Variants in MIA2 observed in about 807,000 individuals in gnomAD.
The protein encoded by MIA2 is MIA SH3 domain ER export factor 2.
MIA2 carries 127 observed loss-of-function variants against 167.8 expected under a neutral mutation model. The ratio of observed to expected loss-of-function variants is 0.76; its 90% CI spans 0.66 to 0.88. The LOEUF is 0.88. Among genes scored for constraint, MIA2 ranks in the 40% least tolerant of loss-of-function variants. The pLI, the probability that MIA2 is intolerant of heterozygous loss-of-function variation, is 0.00. For missense variants in MIA2, 1,690 were observed against 1,624.7 expected, an observed-to-expected ratio of 1.04 and a Z score of -0.69; for synonymous variants, 552 against 541.9, an observed-to-expected ratio of 1.02 and a Z score of -0.26.
rs2060174904 is a variant in MIA2, at chr14:39,288,458, T to G, written c.2131-2561T>G. Among the ~76,000 whole-genome samples the G allele has an allele frequency of 3.1e-4, 5 of 16,034 alleles. 1 individual carries two copies. Among genetic ancestry groups the G allele is most frequent in the Non-Finnish European group, 6.5e-4 (4 of 6,154 alleles). The allele number at this position is 16,034 out of a possible 152,430, so 10.5% of individuals were successfully genotyped here. On this transcript the variant is annotated intron_variant, in intron 9 of 28. Coordinates refer to ENST00000640607, the MANE Select transcript of MIA2 (RefSeq NM_001329214.4). ...ATATATATATATATATATATATATATATATATATATATATATATTTTTTTT... is the reference window on the plus strand; with the variant it reads ...ATATATATATATATATATATATATAGATATATATATATATATATTTTTTTT...
intron 13 of MIA2, among the ~76,000 whole-genome samples, chr14:39,296,258 A>G (rs2061406452): frequency 6.6e-6 from 1 of 152,098 alleles, no homozygotes. Flanking sequence ...TAGAACTTAC[A>G]TGCCTGGAAA....
intron 6 of MIA2, chr14:39,253,490 G>T (rs2054666812): frequency 5.8e-6 from 2 of 342,240 alleles, no homozygotes; most frequent in East Asian, 7.4e-5. Flanking sequence ...ACTAGAGCTG[G>T]GTGTGGTGGT....
In MIA2 at chr14:39,334,501, C is replaced by T. The variant is rs111856772; in HGVS notation, c.3655+7479C>T. Among the ~76,000 whole-genome samples the T allele has an allele frequency of 2.5e-3, 384 of 151,560 alleles. 1 individual carries two copies. Among genetic ancestry groups the T allele is most frequent in the Admixed American group, 9.1e-3 (138 of 15,208 alleles). On this transcript the variant is annotated intron_variant, in intron 25 of 28. Transcript: ENST00000640607. ...AAAAAATAAAAAAATGGTCACTGAA[C>T]AGATTTCAGGGTTCTTTTCTTTTAT...
In MIA2 at chr14:39,302,119, C is replaced by T. The variant is rs1212912603; in HGVS notation, c.2620-10C>T. 1 of 1,611,544 alleles carries T rather than the reference C, an allele frequency of 6.2e-7. No homozygotes were observed. The highest frequency in any genetic ancestry group is 1.3e-5 in the African/African-American group (1 of 74,808). ...ACCCTCTCTATTTTTCCCCTTTGTT[C>T]AATGTCAAGACTCTGACTGAACGCT... On this transcript the variant is annotated splice_polypyrimidine_tract_variant and intron_variant, in intron 14 of 28. Coordinates refer to ENST00000640607, the MANE Select transcript of MIA2 (RefSeq NM_001329214.4).
At chr14:39,235,785 T>C (rs977104711) in intron 1 of MIA2, among the ~76,000 whole-genome samples, 1 of 151,892 alleles carries the variant, frequency 6.6e-6, no homozygotes, top group Non-Finnish European at 1.5e-5. Flanking sequence ...CTCAAAAAAA[T>C]ATATATAAAG....
At chr14:39,314,836 GTA>G (rs57139462) in intron 20 of MIA2, 37 bp downstream of exon 20, 31,538 of 930,164 alleles carry the variant, frequency 0.034, 1,487 homozygotes, top group African/African-American at 0.11. Flanking sequence ...GTGTGTGTGT[GTA>G]TATATATATA....
intron 24 of MIA2, among the ~76,000 whole-genome samples, chr14:39,325,309 C>T (rs894389855): frequency 5.3e-5 from 8 of 151,948 alleles, no homozygotes; most frequent in Non-Finnish European, 8.8e-5. Context: ...AGAAGACCCC[C>T]CTTTTCCCTC....
At chr14:39,268,247 A>T (rs906468771) in intron 6 of MIA2, among the ~76,000 whole-genome samples, 13 of 152,270 alleles carry the variant, frequency 8.5e-5, no homozygotes, top group Admixed American at 7.8e-4. Context: ...TAAAAAGACC[A>T]CTTAATTATT....
chr14:39,237,183 T>C (rs1473241758), intron 2 of MIA2, 128 bp downstream of exon 2: 1 of 997,808 alleles, frequency 1.0e-6, no homozygotes, highest in Non-Finnish European at 1.5e-6. Flanking sequence ...TGCAGTGGTG[T>C]GATCACAGCT....
chr14:39,259,698 G>GTT (rs10556014), intron 6 of MIA2, among the ~76,000 whole-genome samples: 8 of 115,370 alleles, frequency 6.9e-5, no homozygotes, highest in South Asian at 2.9e-4. Context: ...GCCTGGCTAG[G>GTT]TTTTTTTTTT....
intron 25 of MIA2, among the ~76,000 whole-genome samples, chr14:39,330,115 G>T (rs2068476484): frequency 1.3e-5 from 2 of 152,100 alleles, no homozygotes; most frequent in Non-Finnish European, 2.9e-5. Flanking sequence ...TTTTTGGTTG[G>T]TAGGCTATTA....
chr14:39,247,205 G>A lies in MIA2; in HGVS notation c.631G>A (p.Glu211Lys). Residue 211 changes from glutamate (E) to lysine (K), a missense_variant, in exon 4 of 29, where the codon GAA (glutamate) becomes AAA (lysine). By Grantham distance (56) the Glu-to-Lys change is moderately conservative. Coordinates refer to ENST00000640607, the MANE Select transcript of MIA2 (RefSeq NM_001329214.4). ...AAGTATGGAACAGGATCGTATTCCA[G>A]AAGTGCATGTCCCACCATCTTCAGC... ...VESMEQDRIP[E>K]VHVPPSSAVS... The A allele has an allele frequency of 6.2e-7, 1 of 1,614,176 alleles. No homozygotes were observed. The highest frequency in any genetic ancestry group is 8.5e-7 in the Non-Finnish European group (1 of 1,180,032).
chr14:39,277,139 T>G, intron 7 of MIA2, 74 bp downstream of exon 7: 1 of 1,516,024 alleles, frequency 6.6e-7, no homozygotes, highest in East Asian at 2.3e-5. Context: ...AGAAACATAT[T>G]TGTTATTTTA....
chr14:39,326,847 T>C lies in MIA2; in HGVS notation c.3497-17T>C, dbSNP rs774534920. On this transcript the variant is annotated splice_polypyrimidine_tract_variant and intron_variant, in intron 24 of 28. Coordinates refer to ENST00000640607, the MANE Select transcript of MIA2 (RefSeq NM_001329214.4). ...TTAAGATGAAACAGATTTGTATGTT[T>C]TTTTTTCTTTAATTAGGCTCACGAG... 1.3e-6 allele frequency: 2 copies of C among 1,562,402 alleles called. No homozygotes were observed. Among genetic ancestry groups the C allele is most frequent in the Admixed American group, 4.2e-5 (2 of 47,228 alleles).
intron 15 of MIA2, among the ~76,000 whole-genome samples, chr14:39,302,605 C>T (rs958047578): frequency 1.3e-5 from 2 of 152,122 alleles, no homozygotes; most frequent in African/African-American, 4.8e-5. Flanking sequence ...GTTTGAAGAA[C>T]AAGTGTTCTA....
chr14:39,358,278 T>G (rs1394829002), intron 23 of MIA2, among the ~76,000 whole-genome samples: 1 of 152,148 alleles, frequency 6.6e-6, no homozygotes, highest in African/African-American at 2.4e-5. Context: ...CCCTAAACTT[T>G]TCTTCTCGCT....
intron 6 of MIA2, among the ~76,000 whole-genome samples, chr14:39,270,779 T>G (rs899810791): frequency 3.3e-5 from 5 of 152,240 alleles, no homozygotes; most frequent in African/African-American, 9.6e-5. Flanking sequence ...GGGAAATGTC[T>G]ATTGATTTCC....
chr14:39,324,654 T>A (rs1246745194), intron 24 of MIA2, among the ~76,000 whole-genome samples: 1 of 152,082 alleles, frequency 6.6e-6, no homozygotes. Context: ...TTGCCCAGGC[T>A]GGAGTGCAGT....
Position 39,362,858 on chromosome 14 carries a change from G to A in MIA2, c.2248+13881G>A, listed in dbSNP as rs561113088. 4.6e-5 allele frequency among the ~76,000 whole-genome samples: 7 copies of A among 152,116 alleles called. No homozygotes were observed. In the South Asian group the frequency reaches 1.5e-3, roughly 32 times the overall value. On this transcript the variant is annotated intron_variant, in intron 23 of 23. Transcript: ENST00000341502. ...GCACTGCTTTTGTTGTATTACATGG[G>A]GTTTGGTGTGTTGTGTTTGTGTTTT...
Sources: gnomAD v4.1 joint callset for allele counts (sites outside exome capture counted in the v4.1 genomes callset) on GRCh38, gnomAD v4.1.1 for gene constraint, MANE v1.5 for transcripts, NCBI Gene and HGNC (gene_info 2026-07-23, HGNC 2026-07-21) for gene names.